Variants in ASIC2 observed in about 807,000 individuals in gnomAD.
ASIC2 encodes the protein acid sensing ion channel subunit 2.
Under a neutral mutation model 57.3 loss-of-function variants are expected in ASIC2, and 25 were observed. That is an observed-to-expected ratio of 0.44 (90% CI 0.32 to 0.61). The LOEUF (loss-of-function observed/expected upper bound fraction) is 0.61. Among genes scored for constraint, ASIC2 ranks in the 20% least tolerant of loss-of-function variants. ASIC2 has a pLI of 0.06. For synonymous variants in ASIC2, 319 were observed against 307.5 expected, an observed-to-expected ratio of 1.04 and a Z score of -0.39; for missense variants, 641 against 738.1, an observed-to-expected ratio of 0.87 and a Z score of 1.52.
At chr17:33,034,544 CT>C (rs2091900865) in intron 3 of ASIC2, among the ~76,000 whole-genome samples, 1 of 152,080 alleles carries the variant, frequency 6.6e-6, no homozygotes, top group Non-Finnish European at 1.5e-5. Flanking sequence ...CTTAAAAAAC[CT>C]ATAATGTCTT....
chr17:33,150,849 C>CAAAAA (rs61602373), intron 1 of ASIC2, among the ~76,000 whole-genome samples: 2,542 of 18,846 alleles, frequency 0.13, 401 homozygotes, highest in Non-Finnish European at 0.15. Flanking sequence ...GACTCCGTCT[C>CAAAAA]AAAAAAAAAA....
At chr17:33,687,475 T>C (rs1294288970) in intron 1 of ASIC2, among the ~76,000 whole-genome samples, 4 of 152,196 alleles carry the variant, frequency 2.6e-5, no homozygotes, top group Admixed American at 1.3e-4. Flanking sequence ...CTCCACCTTA[T>C]TGCCTAGGAA....
intron 1 of ASIC2, among the ~76,000 whole-genome samples, chr17:33,999,698 T>C (rs1831312922): frequency 6.6e-6 from 1 of 152,188 alleles, no homozygotes; most frequent in South Asian, 2.1e-4. Flanking sequence ...AATTTCTATC[T>C]TTTATATATT....
intron 2 of ASIC2, among the ~76,000 whole-genome samples, chr17:33,101,045 A>G (rs1356845304): frequency 6.6e-6 from 1 of 152,216 alleles, no homozygotes; most frequent in Non-Finnish European, 1.5e-5. Context: ...TCCAGCACAG[A>G]GGCCCACTCT....
intron 3 of ASIC2, among the ~76,000 whole-genome samples, chr17:33,049,989 C>T (rs16584): frequency 1.3e-5 from 2 of 152,150 alleles, no homozygotes; most frequent in Middle Eastern, 3.4e-3. Context: ...ACTGTTGCCT[C>T]CTAGTGGTCC....
At chr17:34,095,635 A>AAT (rs1910499812) in intron 1 of ASIC2, among the ~76,000 whole-genome samples, 1 of 98,024 alleles carries the variant, frequency 1.0e-5, no homozygotes, top group Admixed American at 9.8e-5. Context: ...ATATAATTTT[A>AAT]TATATATATA....
chr17:33,301,289 C>T (rs1905950571), intron 1 of ASIC2, among the ~76,000 whole-genome samples: 1 of 151,862 alleles, frequency 6.6e-6, no homozygotes, highest in Non-Finnish European at 1.5e-5. Flanking sequence ...AATCCTCCTG[C>T]CTCGATCTCC....
chr17:33,048,366 G>A (rs2091963135), intron 3 of ASIC2, among the ~76,000 whole-genome samples: 1 of 152,176 alleles, frequency 6.6e-6, no homozygotes, highest in Non-Finnish European at 1.5e-5. Flanking sequence ...AAGCCCCATA[G>A]CTTCTTGATC....
intron 1 of ASIC2, among the ~76,000 whole-genome samples, chr17:33,933,775 G>A (rs34819254): frequency 0.021 from 3,151 of 152,240 alleles, 126 homozygotes; most frequent in African/African-American, 0.071. Context: ...TTCATACTCC[G>A]GCATCACAGA....
intron 2 of ASIC2, among the ~76,000 whole-genome samples, chr17:33,096,312 T>C (rs776059017): frequency 3.9e-5 from 6 of 152,210 alleles, no homozygotes; most frequent in Non-Finnish European, 7.3e-5. Context: ...CCTGGAGTTA[T>C]GCATCGAATG....
chr17:33,649,265 T>C (rs1194250527), intron 1 of ASIC2, among the ~76,000 whole-genome samples: 1 of 152,152 alleles, frequency 6.6e-6, no homozygotes, highest in Non-Finnish European at 1.5e-5. Context: ...ATACTAACAA[T>C]AAACACATGG....
At chr17:33,397,106 G>A (rs1455911326) in intron 1 of ASIC2, among the ~76,000 whole-genome samples, 10 of 152,172 alleles carry the variant, frequency 6.6e-5, no homozygotes, top group Non-Finnish European at 1.3e-4. Flanking sequence ...CACAGGTCCT[G>A]CCTAGATTGC....
chr17:33,346,053 C>G (rs981279051), intron 1 of ASIC2, among the ~76,000 whole-genome samples: 1 of 151,526 alleles, frequency 6.6e-6, no homozygotes, highest in Non-Finnish European at 1.5e-5. Flanking sequence ...ATGGCAAAAC[C>G]CCATCTTTAC....
intron 1 of ASIC2, among the ~76,000 whole-genome samples, chr17:33,646,448 C>G (rs1235489551): frequency 1.3e-5 from 2 of 152,172 alleles, no homozygotes; most frequent in African/African-American, 4.8e-5. Context: ...ATCCACAGCC[C>G]TCTTTCTGCC....
chr17:33,867,905 A>G (rs1209831497), intron 1 of ASIC2, among the ~76,000 whole-genome samples: 2 of 152,242 alleles, frequency 1.3e-5, no homozygotes, highest in African/African-American at 2.4e-5. Flanking sequence ...CTAAGCAGGG[A>G]CATGGGGTTT....
chr17:34,039,385 T>G, intron 1 of ASIC2: 3 of 1,613,808 alleles, frequency 1.9e-6, no homozygotes, highest in Non-Finnish European at 2.5e-6. Flanking sequence ...TTGCGCCAGC[T>G]GCTCTGTGTC....
intron 1 of ASIC2, chr17:34,118,301 A>C (rs2142116651): frequency 6.6e-6 from 1 of 152,352 alleles, no homozygotes; most frequent in South Asian, 2.1e-4. Context: ...ATGGCATCTC[A>C]CACATAATAA....
intron 1 of ASIC2, among the ~76,000 whole-genome samples, chr17:33,823,834 T>A (rs770167757): frequency 5.9e-5 from 9 of 152,206 alleles, no homozygotes; most frequent in Non-Finnish European, 1.3e-4. Flanking sequence ...CCCATGCCCA[T>A]GTTTTGGTGT....
intron 3 of ASIC2, among the ~76,000 whole-genome samples, chr17:33,063,434 T>A (rs1304306305): frequency 6.6e-6 from 1 of 152,202 alleles, no homozygotes; most frequent in Non-Finnish European, 1.5e-5. Context: ...TTAGTTTGGC[T>A]GGATATGAAA....
Sources: gnomAD v4.1 joint callset for allele counts (sites outside exome capture counted in the v4.1 genomes callset) on GRCh38, gnomAD v4.1.1 for gene constraint, MANE v1.5 for transcripts, NCBI Gene and HGNC (gene_info 2026-07-23, HGNC 2026-07-21) for gene names.